MALRD1: variants seen among roughly 807,000 people sequenced by gnomAD.
MALRD1 encodes MAM and LDL receptor class A domain containing 1.
Under a neutral mutation model 242.1 loss-of-function variants are expected in MALRD1, and 247 were observed. The observed-to-expected ratio is 1.02, with a 90% CI of 0.92 to 1.13. The LOEUF is 1.13. MALRD1 is among the 50% of genes most tolerant of loss of function. The probability of loss-of-function intolerance (pLI) is 0.00; values close to 1 mark genes in which losing one functional copy is unlikely to be tolerated. For missense variants in MALRD1, 2,989 were observed against 2,533.1 expected (o/e 1.18, Z -3.86); for synonymous variants, 995 against 866.6 (o/e 1.15, Z -2.60).
chr10:19,680,506 A>G (rs1842321987), intron 36 of MALRD1, among the ~76,000 whole-genome samples: 1 of 151,610 alleles, frequency 6.6e-6, no homozygotes, highest in African/African-American at 2.4e-5. Context: ...TTCCCTCCAT[A>G]CTTTATTTTG....
chr10:19,324,514 G>A (rs1194160538), intron 22 of MALRD1, among the ~76,000 whole-genome samples: 1 of 151,494 alleles, frequency 6.6e-6, no homozygotes, highest in Non-Finnish European at 1.5e-5. Context: ...ATGTTTCTCT[G>A]TTAAAAACGT....
chr10:19,257,278 G>A (rs1276024702), intron 18 of MALRD1, among the ~76,000 whole-genome samples: 1 of 152,074 alleles, frequency 6.6e-6, no homozygotes, highest in African/African-American at 2.4e-5. Context: ...AGGAGGATGA[G>A]GAGGTTTAAT....
chr10:19,692,211 C>T, intron 36 of MALRD1, 71 bp from the exon 37 acceptor site: 2 of 1,116,520 alleles, frequency 1.8e-6, no homozygotes, highest in South Asian at 1.6e-5. Flanking sequence ...TGATTTTATC[C>T]CATGCCAGTT....
intron 6 of MALRD1, among the ~76,000 whole-genome samples, chr10:19,124,168 G>C (rs1837168786): frequency 6.6e-6 from 1 of 152,002 alleles, no homozygotes; most frequent in Non-Finnish European, 1.5e-5. Flanking sequence ...AGTGGGCTAT[G>C]ATTGCACCAC....
chr10:19,668,657 A>G (rs1841785926), intron 36 of MALRD1, among the ~76,000 whole-genome samples: 1 of 152,180 alleles, frequency 6.6e-6, no homozygotes, highest in Non-Finnish European at 1.5e-5. Flanking sequence ...ATATACCTGG[A>G]GTCTGTGAAA....
chr10:19,314,480 G>A (rs1588895627), intron 21 of MALRD1, among the ~76,000 whole-genome samples: 3 of 151,558 alleles, frequency 2.0e-5, no homozygotes, highest in South Asian at 4.1e-4. Context: ...AAGGCATGAT[G>A]TATTTAAGTA....
intron 19 of MALRD1, among the ~76,000 whole-genome samples, chr10:19,266,286 T>C (rs1041163590): frequency 1.3e-5 from 2 of 152,066 alleles, no homozygotes; most frequent in South Asian, 2.1e-4. Context: ...CGTAGATCTT[T>C]TGTTTCTTTC....
At chr10:19,493,323 C>T (rs1387023992) in intron 30 of MALRD1, 1 of 152,046 alleles carries the variant, frequency 6.6e-6, no homozygotes, top group Non-Finnish European at 1.5e-5. Context: ...AGGTTCGTTT[C>T]ATATTTTAAT....
chr10:19,634,690 C>T (rs757603190), intron 36 of MALRD1, among the ~76,000 whole-genome samples: 17 of 152,110 alleles, frequency 1.1e-4, no homozygotes, highest in Non-Finnish European at 1.2e-4. Flanking sequence ...ATCTGGAAAG[C>T]AAGCAGAGTG....
chr10:19,208,267 G>A (rs569618578), intron 17 of MALRD1, among the ~76,000 whole-genome samples: 1 of 152,076 alleles, frequency 6.6e-6, no homozygotes, highest in Non-Finnish European at 1.5e-5. Flanking sequence ...CCATACTGAT[G>A]AATCACAGCA....
At chr10:19,405,618 G>A (rs1034093585) in intron 28 of MALRD1, among the ~76,000 whole-genome samples, 1 of 152,154 alleles carries the variant, frequency 6.6e-6, no homozygotes, top group Non-Finnish European at 1.5e-5. Flanking sequence ...TTTCACAGAA[G>A]TGTTGATCCT....
chr10:19,257,830 C>G (rs1839585648), intron 19 of MALRD1, 59 bp downstream of exon 19: 8 of 1,141,714 alleles, frequency 7.0e-6, no homozygotes, highest in Non-Finnish European at 9.7e-6. Context: ...GGAAAACTTG[C>G]AAGGAAATCA....
At chr10:19,707,449 A>C (rs1833919272) in intron 38 of MALRD1, among the ~76,000 whole-genome samples, 1 of 152,224 alleles carries the variant, frequency 6.6e-6, no homozygotes, top group Non-Finnish European at 1.5e-5. Flanking sequence ...AAACAGAAGA[A>C]GACAAGAGCA....
At chr10:19,403,164 CAA>C (rs796811427) in intron 28 of MALRD1, among the ~76,000 whole-genome samples, 54 of 149,782 alleles carry the variant, frequency 3.6e-4, no homozygotes, top group African/African-American at 1.3e-3. Context: ...TTATGTTTTC[CAA>C]AAAAAAAGTC....
At chr10:19,183,339 C>G (rs533806917) in intron 14 of MALRD1, among the ~76,000 whole-genome samples, 1 of 151,652 alleles carries the variant, frequency 6.6e-6, no homozygotes, top group South Asian at 2.1e-4. Flanking sequence ...AGGAAGCATG[C>G]AAAATTTAGG....
chr10:19,245,811 T>A (rs1174164107), intron 18 of MALRD1, among the ~76,000 whole-genome samples: 6 of 152,210 alleles, frequency 3.9e-5, no homozygotes, highest in African/African-American at 9.6e-5. Context: ...AAACATTAGA[T>A]TAAATGATAT....
chr10:19,123,886 T>C (rs1837155733), intron 6 of MALRD1, among the ~76,000 whole-genome samples: 1 of 151,968 alleles, frequency 6.6e-6, no homozygotes, highest in South Asian at 2.1e-4. Flanking sequence ...TCCCATAAAG[T>C]AGATAAGGTA....
At chr10:19,652,424 G>A (rs544901976) in intron 36 of MALRD1, among the ~76,000 whole-genome samples, 1 of 152,294 alleles carries the variant, frequency 6.6e-6, no homozygotes, top group African/African-American at 2.4e-5. Flanking sequence ...AGGCATGGAA[G>A]GTGAAATTTC....
At chr10:19,073,911 G>A (rs762730856) in intron 2 of MALRD1, among the ~76,000 whole-genome samples, 4 of 152,056 alleles carry the variant, frequency 2.6e-5, no homozygotes, top group South Asian at 4.1e-4. Context: ...TCCAGAAAGC[G>A]AAAGAGCATT....
Sources: allele counts gnomAD v4.1 joint callset (sites outside exome capture counted in the v4.1 genomes callset), GRCh38; gene constraint gnomAD v4.1.1; transcripts MANE v1.5; gene names NCBI Gene and HGNC (gene_info 2026-07-23, HGNC 2026-07-21).